The following MRPS22 variants were observed in gnomAD, a reference collection of about 807,000 sequenced individuals.
MRPS22 encodes small ribosomal subunit protein mS22.
In MRPS22, 30 loss-of-function variants were observed where a neutral mutation model predicts 44.0. That is an observed-to-expected ratio of 0.68 (90% CI 0.51 to 0.93). MRPS22 has a LOEUF of 0.93. MRPS22 is among the 40% of genes least tolerant of loss of function. MRPS22 has a pLI of 0.00. For synonymous variants in MRPS22, 165 were observed against 154.4 expected (o/e 1.07, Z -0.51); for missense variants, 447 against 447.8 (o/e 1.00, Z 0.02).
chr3:139,355,705 T>A lies in MRPS22; in HGVS notation c.902T>A (p.Val301Asp). ...AGAATCGATGATGCAACCAACTTGGTCCAGCTGTATCACGTGCTCCATCCA... is the reference window on the plus strand; with the variant it reads ...AGAATCGATGATGCAACCAACTTGGACCAGCTGTATCACGTGCTCCATCCA... ...RDLIDDATNLVQLYHVLHPDG... is the reference protein window; with the variant it reads ...RDLIDDATNLDQLYHVLHPDG... The change falls in exon 7 of 8, where the codon GTC (valine) becomes GAC (aspartate). Residue 301 changes from valine (V) to aspartate (D), a missense_variant. Val to Asp is a radical substitution (Grantham distance 152). Transcript: ENST00000680020. The A allele has an allele frequency of 6.2e-7, 1 of 1,614,150 alleles. No individual in the cohort carries two copies. Among genetic ancestry groups the A allele is most frequent in the Non-Finnish European group, 8.5e-7 (1 of 1,179,994 alleles).
At chr3:139,353,571 T>C (rs954742924) in intron 6 of MRPS22, among the ~76,000 whole-genome samples, 1 of 152,188 alleles carries the variant, frequency 6.6e-6, no homozygotes, top group African/African-American at 2.4e-5. Flanking sequence ...TAACATGTAA[T>C]ACAAACCATA....
At position 139,351,044 on chromosome 3, in the gene MRPS22, CCA is replaced by C. The variant is rs770901861; in HGVS notation, c.719_720del (p.Thr240ArgfsTer11). ...TGCTTTGCCCAGTTTGAGCCAGATTCCACAGAGTATATCAAGGTGAGTAGATT... is the reference window on the plus strand; with the variant it reads ...TGCTTTGCCCAGTTTGAGCCAGATTCCAGAGTATATCAAGGTGAGTAGATT... On this transcript the variant is annotated frameshift_variant, in exon 5 of 8. Transcript: ENST00000680020. LOFTEE classifies it high-confidence loss of function. 2 of 1,613,536 alleles carry C rather than the reference CCA, an allele frequency of 1.2e-6. No homozygotes were observed. Among genetic ancestry groups the C allele is most frequent in the African/African-American group, 2.7e-5 (2 of 74,870 alleles).
In MRPS22 at chr3:139,346,920, A is replaced by G. The variant is rs996609155; in HGVS notation, c.215A>G (p.Asp72Gly). 3.1e-6 allele frequency: 5 copies of G among 1,614,074 alleles called. No individual in the cohort carries two copies. The highest frequency in any genetic ancestry group is 4.2e-6 in the Non-Finnish European group (5 of 1,180,036). Reference protein sequence around the residue: ...SPETKKPTFMDEEVQSILTKM... With the variant: ...SPETKKPTFMGEEVQSILTKM... ...GAGACCAAGAAACCTACATTTATGG[A>G]TGAGGAAGTTCAAAGCATACTCACG... The change falls in exon 2 of 8, where the codon GAT becomes GGT. Residue 72 changes from aspartate (D) to glycine (G), a missense_variant. By Grantham distance (94) the Asp-to-Gly change is moderately conservative. Transcript: ENST00000680020.
chr3:139,348,379 G>C, intron 3 of MRPS22, 55 bp downstream of exon 3: 1 of 1,568,722 alleles, frequency 6.4e-7, no homozygotes, highest in Non-Finnish European at 8.7e-7. Context: ...ATGTGGAGAA[G>C]GGCTTGAGAG....
intron 3 of MRPS22, 146 bp from the exon 4 acceptor site, chr3:139,350,033 G>T (rs2107788835): frequency 2.2e-6 from 2 of 898,150 alleles, no homozygotes; most frequent in East Asian, 2.6e-5. Context: ...CCAAGTCTTT[G>T]AGGTTTAAAA....
At chr3:139,348,129 G>C (rs1307182273) in intron 2 of MRPS22, 31 bp from the exon 3 acceptor site, 1 of 1,610,576 alleles carries the variant, frequency 6.2e-7, no homozygotes, top group African/African-American at 1.3e-5. Context: ...TAACCTTGTG[G>C]CTTTCCTTAA....
At chr3:139,344,010 A>T, upstream of MRPS22, 1 of 1,614,124 alleles carries the variant, frequency 6.2e-7, no homozygotes, top group South Asian at 1.1e-5. Flanking sequence ...TTCCGGCGCA[A>T]GTGGCTTCTG....
At position 139,356,994 on chromosome 3, in the gene MRPS22, C is replaced by T. The variant is rs191025290; in HGVS notation, c.1063C>T (p.Arg355Cys). Reference sequence around the variant, plus strand: ...GCAGACTTATCAAGAAGCACTCAGTCGCCATTCTGCAGCTTCCTAAAAATA... The same window carrying T: ...GCAGACTTATCAAGAAGCACTCAGTTGCCATTCTGCAGCTTCCTAAAAATA... ...TLQTYQEALS[R>C]HSAAS The change falls in exon 8 of 8, where the codon CGC (arginine) becomes TGC (cysteine). Residue 355 changes from arginine to cysteine, a missense_variant. By Grantham distance (180) the Arg-to-Cys change is radical (BLOSUM62 -3). Transcript: ENST00000680020. The T allele has an allele frequency of 1.2e-5, 20 of 1,611,354 alleles. No homozygotes were observed. Among genetic ancestry groups the T allele is most frequent in the African/African-American group, 6.7e-5 (5 of 74,968 alleles).
In MRPS22 at chr3:139,348,142, A is replaced by C. The variant is rs373860175; in HGVS notation, c.340-18A>C. On this transcript the variant is annotated intron_variant, in intron 2 of 7. Transcript: ENST00000680020. ...TGTAACCTTGTGGCTTTCCTTAATA[A>C]ATATTTTCTTTCATTAGGCTACAAG... 1.2e-6 allele frequency: 2 copies of C among 1,613,398 alleles called. No homozygotes were observed. Among genetic ancestry groups the C allele is most frequent in the Non-Finnish European group, 1.7e-6 (2 of 1,179,616 alleles).
At chr3:139,350,594 A>AT (rs560327973) in intron 4 of MRPS22, 93 of 439,796 alleles carry the variant, frequency 2.1e-4, no homozygotes, top group South Asian at 2.0e-3. Flanking sequence ...CGCTTGGCTA[A>AT]TTTTTGTATT....
chr3:139,348,337 C>T lies in MRPS22; in HGVS notation c.504+13C>T. 1 of 1,611,962 alleles carries T rather than the reference C, an allele frequency of 6.2e-7. No homozygotes were observed. Among genetic ancestry groups the T allele is most frequent in the Non-Finnish European group, 8.5e-7 (1 of 1,178,536 alleles). On this transcript the variant is annotated intron_variant, in intron 3 of 7. Transcript: ENST00000680020. The stretch of plus-strand genomic sequence containing the variant: ...CATACCACACCGGGTGAGTATATGT[C>T]TAATCGCAAAATGATCTTTCTTTGA...
Position 139,350,172 on chromosome 3 carries a change from A to G in MRPS22, c.505-7A>G, listed in dbSNP as rs1941118105. 1.9e-6 allele frequency: 3 copies of G among 1,614,066 alleles called. No homozygotes were observed. The highest frequency in any genetic ancestry group is 1.1e-5 in the South Asian group (1 of 91,072). ...AACGCATCCTTGATTATGTTTTTCTATTTTAGGAGCGTTTTATTGTCGTCA... is the reference window on the plus strand; with the variant it reads ...AACGCATCCTTGATTATGTTTTTCTGTTTTAGGAGCGTTTTATTGTCGTCA... On this transcript the variant is annotated splice_region_variant and splice_polypyrimidine_tract_variant and intron_variant, in intron 3 of 7. Transcript: ENST00000680020.
chr3:139,352,038 T>A (rs946472581), intron 5 of MRPS22: 13 of 153,676 alleles, frequency 8.5e-5, no homozygotes, highest in African/African-American at 3.1e-4. Flanking sequence ...GGGGGAGGGA[T>A]AGGGGAAAGG....
chr3:139,349,381 C>T, intron 3 of MRPS22: 1 of 435,074 alleles, frequency 2.3e-6, no homozygotes, highest in Non-Finnish European at 4.5e-6. Flanking sequence ...GAGACTCCTA[C>T]ACCTCTGAAA....
At position 139,356,943 on chromosome 3, in the gene MRPS22, AAGGGAGCCTAT is replaced by A; in HGVS notation, c.1014_1024del (p.Lys338AsnfsTer24). 2 of 1,613,114 alleles carry A rather than the reference AAGGGAGCCTAT, an allele frequency of 1.2e-6. No individual in the cohort carries two copies. The highest frequency in any genetic ancestry group is 1.7e-6 in the Non-Finnish European group (2 of 1,179,484). ...GGTCTTTGCAAAAACAGAAGCACAG[AAGGGAGCCTAT>A]ATAGAACTAACACTGCAGACTTATC... On this transcript the variant is annotated frameshift_variant, in exon 8 of 8. Coordinates refer to ENST00000680020, the MANE Select transcript of MRPS22 (RefSeq NM_020191.4). LOFTEE classifies it high-confidence loss of function.
Position 139,344,035 on chromosome 3 carries a change from C to G in MRPS22, c.9C>G (p.Pro3=). ...AGTGGCTTCTGATAATCATGGCGCC[C>G]CTCGGAACAACTGTATTGCTGTGGA... MA[P]LGTTVLLWSL... is the part of the protein sequence containing the mutation. The change falls in exon 1 of 8, where the codon CCC becomes CCG. Residue 3 remains proline (P), a synonymous_variant. Coordinates refer to ENST00000680020, the MANE Select transcript of MRPS22 (RefSeq NM_020191.4). 6.2e-7 allele frequency: 1 copy of G among 1,614,180 alleles called. No homozygotes were observed. Among genetic ancestry groups the G allele is most frequent in the African/African-American group, 1.3e-5 (1 of 75,044 alleles).
At chr3:139,353,447 G>T (rs1026478972) in intron 6 of MRPS22, among the ~76,000 whole-genome samples, 2 of 152,340 alleles carry the variant, frequency 1.3e-5, no homozygotes, top group Non-Finnish European at 2.9e-5. Context: ...CATGGCTGTA[G>T]TAAGAAAGTC....
In MRPS22 at chr3:139,345,450, G is replaced by GTT. The variant is rs78050187; in HGVS notation, c.172+1267_172+1268dup. Among the ~76,000 whole-genome samples the GTT allele has an allele frequency of 3.2e-3, 338 of 106,494 alleles. 1 individual carries two copies. The highest frequency in any genetic ancestry group is 4.0e-3 in the Admixed American group (39 of 9,682). 69.9% of individuals were successfully genotyped at this position (106,494 alleles called of 152,430 possible). A position where few individuals can be genotyped will look rare whatever the true frequency, so the allele number is the denominator to read the frequency against. On this transcript the variant is annotated intron_variant, in intron 1 of 7. Transcript: ENST00000680020. ...CTCTGCCAGTGGTGTTTTTTTTTTT[G>GTT]TTTTTTTTTTTTTTTTGTAAAATTG... is the stretch of plus-strand genomic sequence containing the variant.
rs200304092 is a variant in MRPS22, at chr3:139,344,086, G to A, written c.60G>A (p.Val20=). ...LWSLLRSSPG[V]ERVCFRARIQ... The stretch of plus-strand genomic sequence containing the variant: ...GCCTCTTGAGGAGTTCTCCGGGCGT[G>A]GAACGGGTCTGTTTCCGGGCTCGAA... The change falls in exon 1 of 8, where the codon GTG becomes GTA. Residue 20 remains valine, a synonymous_variant. Transcript: ENST00000680020. 6.2e-7 allele frequency: 1 copy of A among 1,614,184 alleles called. No homozygotes were observed. The highest frequency in any genetic ancestry group is 1.7e-5 in the Admixed American group (1 of 60,030).
Sources: allele counts gnomAD v4.1 joint callset (sites outside exome capture counted in the v4.1 genomes callset), GRCh38; gene constraint gnomAD v4.1.1; transcripts MANE v1.5; gene names NCBI Gene and HGNC (gene_info 2026-07-23, HGNC 2026-07-21).